Variants in HECTD4 observed in about 807,000 individuals in gnomAD.
HECTD4 encodes probable E3 ubiquitin-protein ligase HECTD4.
In HECTD4, 114 loss-of-function variants were observed where a neutral mutation model predicts 471.5. The ratio of observed to expected loss-of-function variants is 0.24; its 90% CI spans 0.21 to 0.28. The LOEUF (loss-of-function observed/expected upper bound fraction) is 0.28, where lower values mean the gene tolerates loss of function less well. HECTD4 is among the 10% of genes least tolerant of loss of function. The pLI is 1.00. For missense variants in HECTD4, 3,866 were observed against 5,651.5 expected (o/e 0.68, Z 10.13); for synonymous variants, 2,012 against 2,256.0 (o/e 0.89, Z 3.07).
At chr12:112,300,094 C>T (rs1037076626) in intron 7 of HECTD4, among the ~76,000 whole-genome samples, 1 of 152,070 alleles carries the variant, frequency 6.6e-6, no homozygotes, top group African/African-American at 2.4e-5. Flanking sequence ...GGGGGTGGAT[C>T]ACTTGAGGTC....
chr12:112,221,437 C>G (rs1179398520), intron 44 of HECTD4, among the ~76,000 whole-genome samples: 1 of 152,042 alleles, frequency 6.6e-6, no homozygotes, highest in African/African-American at 2.4e-5. Context: ...GGAGTTTCCT[C>G]CATTTTGCCC....
chr12:112,228,238 C>G lies in HECTD4; in HGVS notation c.6705G>C (p.Leu2235=), dbSNP rs1305912000. ...CCTGTACTACCTTCTCAGTAATGGACAGTTTATGAAGAGGCAATGCCTGAT... is the reference window on the plus strand; with the variant it reads ...CCTGTACTACCTTCTCAGTAATGGAGAGTTTATGAAGAGGCAATGCCTGAT... ...PRSEALPLHK[L]SITEKVVQAV... The change falls in exon 43 of 76, where the codon CTG becomes CTC. Residue 2235 remains leucine, a synonymous_variant. Transcript: ENST00000682272. The surrounding 1 kb of genome is among the most constrained non-coding windows in gnomAD (Gnocchi z 4.9). 5.0e-6 allele frequency: 8 copies of G among 1,607,078 alleles called. No individual in the cohort carries two copies. The highest frequency in any genetic ancestry group is 6.8e-6 in the Non-Finnish European group (8 of 1,177,706).
chr12:112,256,722 C>A, intron 20 of HECTD4: 1 of 371,732 alleles, frequency 2.7e-6, no homozygotes, highest in Non-Finnish European at 4.7e-6. Context: ...AGATATTATA[C>A]TTGCTTTTTT....
At chr12:112,353,105 G>A (rs1033848506) in intron 1 of HECTD4, among the ~76,000 whole-genome samples, 2 of 152,148 alleles carry the variant, frequency 1.3e-5, no homozygotes, top group African/African-American at 4.8e-5. Flanking sequence ...CAACTCTATG[G>A]AAACCAGCAG....
chr12:112,382,143 G>T lies in HECTD4; in HGVS notation c.-15C>A. The T allele has an allele frequency of 3.3e-6, 4 of 1,218,990 alleles. No individual in the cohort carries two copies. The highest frequency in any genetic ancestry group is 4.1e-6 in the Non-Finnish European group (4 of 981,384). The allele number at this position is 1,218,990 out of a possible 1,614,324, so 75.5% of individuals were successfully genotyped here. On this transcript the variant is annotated 5_prime_UTR_variant, in exon 1 of 76. Coordinates refer to ENST00000682272, the MANE Select transcript of HECTD4 (RefSeq NM_001388303.1). ...GACGAGCCCATGGCCCCGGCTGAAG[G>T]CTTGGCGCTGAGGAGCAGACGCCCG...
chr12:112,370,557 T>C (rs925790285), intron 1 of HECTD4, among the ~76,000 whole-genome samples: 1 of 152,176 alleles, frequency 6.6e-6, no homozygotes, highest in Non-Finnish European at 1.5e-5. Flanking sequence ...TACAGAAAGA[T>C]ATGTCTAGTA....
At chr12:112,331,911 C>A (rs1034241343) in intron 1 of HECTD4, among the ~76,000 whole-genome samples, 1 of 152,066 alleles carries the variant, frequency 6.6e-6, no homozygotes, top group Non-Finnish European at 1.5e-5. Context: ...ACTGGAATAT[C>A]CTGTTCAGTT....
intron 29 of HECTD4, among the ~76,000 whole-genome samples, chr12:112,246,206 G>A (rs890289449): frequency 1.3e-5 from 2 of 150,360 alleles, no homozygotes; most frequent in African/African-American, 4.9e-5. Flanking sequence ...TTTCCAGGAA[G>A]TCATACCACA....
Position 112,381,960 on chromosome 12 carries a change from C to T in HECTD4, c.169G>A (p.Asp57Asn). Residue 57 changes from aspartate (D) to asparagine (N), a missense_variant, in exon 1 of 76, where the codon GAC becomes AAC. Asp to Asn is a conservative substitution (Grantham distance 23, BLOSUM62 1). Around this residue, in one of 16 missense-constraint regions of HECTD4, gnomAD observed 440 missense variants for 636.0 expected, o/e 0.69. Transcript: ENST00000682272. The surrounding 1 kb of genome is among the most constrained non-coding windows in gnomAD (Gnocchi z 4.1). The stretch of plus-strand genomic sequence containing the variant: ...GGGGCCGCCTCGCTCACCTCCAGGT[C>T]GGTGTCCGCGGCCTCTGGGGCCCCG... Reference protein sequence around the residue: ...ILGAPEAADTDLEILTFETKN... With the variant: ...ILGAPEAADTNLEILTFETKN... The T allele has an allele frequency of 8.2e-7, 1 of 1,224,118 alleles. No individual in the cohort carries two copies. The highest frequency in any genetic ancestry group is 1.0e-6 in the Non-Finnish European group (1 of 982,984). 75.8% of individuals were successfully genotyped at this position (1,224,118 alleles called of 1,614,324 possible).
chr12:112,184,386 G>A lies in HECTD4; in HGVS notation c.10580C>T (p.Pro3527Leu). 6.2e-7 allele frequency: 1 copy of A among 1,609,776 alleles called. No individual in the cohort carries two copies. Reference sequence around the variant, plus strand: ...GCTTTCCTGGCTGGACACCGCGTGGGGCTCCAACAGGCCCGGAGGGATGGG... The same window carrying A: ...GCTTTCCTGGCTGGACACCGCGTGGAGCTCCAACAGGCCCGGAGGGATGGG... ...ELPIPPGLLEPHAVSSQESLD... is the reference protein window; with the variant it reads ...ELPIPPGLLELHAVSSQESLD... The change falls in exon 61 of 76, where the codon CCC becomes CTC. Residue 3527 changes from proline (P) to leucine (L), a missense_variant. By Grantham distance (98) the Pro-to-Leu change is moderately conservative (BLOSUM62 -3). This residue lies in a region of HECTD4 where 192 missense variants were observed against 189.9 expected (regional missense o/e 1.01). Coordinates refer to ENST00000682272, the MANE Select transcript of HECTD4 (RefSeq NM_001388303.1). The surrounding 1 kb of genome is among the most constrained non-coding windows in gnomAD (Gnocchi z 9.1).
intron 7 of HECTD4, chr12:112,301,879 T>C: frequency 1.2e-5 from 12 of 993,890 alleles, no homozygotes; most frequent in South Asian, 7.8e-5. Flanking sequence ...TTTAACCCAG[T>C]TTAGTGGCAA....
At chr12:112,218,505 A>G (rs1471815421) in intron 45 of HECTD4, among the ~76,000 whole-genome samples, 1 of 152,184 alleles carries the variant, frequency 6.6e-6, no homozygotes, top group East Asian at 1.9e-4. Flanking sequence ...GAATTTATAT[A>G]AGATGTGGTC....
intron 1 of HECTD4, among the ~76,000 whole-genome samples, chr12:112,332,879 C>T (rs1020535513): frequency 6.6e-6 from 1 of 151,364 alleles, no homozygotes; most frequent in African/African-American, 2.4e-5. Flanking sequence ...TCTCCCAGCC[C>T]TTGGCAACCA....
At chr12:112,294,807 C>A (rs1031545411) in intron 7 of HECTD4, among the ~76,000 whole-genome samples, 1 of 152,026 alleles carries the variant, frequency 6.6e-6, no homozygotes, top group African/African-American at 2.4e-5. Context: ...AAAAAAATTC[C>A]TTTTTTAAAA....
At chr12:112,269,465 G>A (rs560403436) in intron 13 of HECTD4, among the ~76,000 whole-genome samples, 66 of 152,084 alleles carry the variant, frequency 4.3e-4, no homozygotes, top group Non-Finnish European at 5.9e-4. Flanking sequence ...GGTTTTGTTT[G>A]TTTGTTTGTT....
At chr12:112,176,757 A>T (rs559998367) in intron 64 of HECTD4, 55 bp from the exon 65 acceptor site, 2 of 1,254,784 alleles carry the variant, frequency 1.6e-6, no homozygotes, top group South Asian at 2.4e-5. Context: ...TCCTCCCGAT[A>T]GGAAATACAC....
At chr12:112,311,730 A>G (rs1189256511) in intron 4 of HECTD4, among the ~76,000 whole-genome samples, 2 of 152,194 alleles carry the variant, frequency 1.3e-5, no homozygotes, top group Non-Finnish European at 2.9e-5. Flanking sequence ...CAAACAGATC[A>G]GCTTAATGCC....
intron 1 of HECTD4, among the ~76,000 whole-genome samples, chr12:112,324,062 C>A (rs528549680): frequency 5.4e-5 from 4 of 73,898 alleles, no homozygotes; most frequent in African/African-American, 1.8e-4. Flanking sequence ...TTCTTTCTTT[C>A]TTTCTTTCTT....
At chr12:112,205,986 T>C (rs1156821898) in intron 52 of HECTD4, among the ~76,000 whole-genome samples, 5 of 152,214 alleles carry the variant, frequency 3.3e-5, no homozygotes, top group Admixed American at 2.0e-4. Flanking sequence ...CTATATGAGC[T>C]TCTTCTATCC....
Sources: gnomAD v4.1 joint callset for allele counts (sites outside exome capture counted in the v4.1 genomes callset) on GRCh38, gnomAD v4.1.1 for gene constraint, gnomAD v4.1.1 regional missense constraint, Gnocchi (gnomAD v3.1) non-coding constraint, MANE v1.5 for transcripts, NCBI Gene and HGNC (gene_info 2026-07-23, HGNC 2026-07-21) for gene names.